Variants in IGHMBP2 observed in about 807,000 individuals in gnomAD.
The protein encoded by IGHMBP2 is DNA-binding protein SMUBP-2.
A neutral mutation model predicts 96.0 loss-of-function variants in IGHMBP2; 81 were observed. That is an observed-to-expected ratio of 0.84 (90% CI 0.71 to 1.01). IGHMBP2 has a LOEUF of 1.01. Ranked by LOEUF, IGHMBP2 falls within the 50% of genes least tolerant of loss-of-function variation. The pLI is 0.00. For missense variants in IGHMBP2, 1,227 were observed against 1,306.3 expected (o/e 0.94, Z 0.94); for synonymous variants, 557 against 548.9 (o/e 1.01, Z -0.21).
Position 68,914,807 on chromosome 11 carries a change from A to G in IGHMBP2, c.712-16A>G, listed in dbSNP as rs1225359231. 1 of 1,613,820 alleles carries G rather than the reference A, an allele frequency of 6.2e-7. No homozygotes were observed. The highest frequency in any genetic ancestry group is 1.3e-5 in the African/African-American group (1 of 74,952). The stretch of plus-strand genomic sequence containing the variant: ...ATTACAAAGTAAATGACCAGATCCT[A>G]ACTTGCGGTTCCCAGGTTCTGTGCT... On this transcript the variant is annotated splice_polypyrimidine_tract_variant and intron_variant, in intron 5 of 14. Transcript: ENST00000255078.
rs1317117261 is a variant in IGHMBP2 at position 68,936,475 on chromosome 11, G to C, written c.1995G>C (p.Lys665Asn). ...AGGGTTCCAGCCACGCTGCCACCAAGCCCCAGGGACCTGCTACGTCCACCA... is the reference window on the plus strand; with the variant it reads ...AGGGTTCCAGCCACGCTGCCACCAACCCCCAGGGACCTGCTACGTCCACCA... ...NSQGSSHAAT[K>N]PQGPATSTRT... Residue 665 changes from lysine (K) to asparagine (N), a missense_variant, in exon 13 of 15, where the codon AAG becomes AAC. Transcript: ENST00000255078. The C allele has an allele frequency of 6.2e-7, 1 of 1,613,790 alleles. No individual in the cohort carries two copies. The highest frequency in any genetic ancestry group is 1.7e-5 in the Admixed American group (1 of 59,996).
chr11:68,912,414 G>A (rs1858475237), intron 5 of IGHMBP2, among the ~76,000 whole-genome samples: 2 of 152,150 alleles, frequency 1.3e-5, no homozygotes, highest in East Asian at 3.8e-4. Context: ...ACAGGCATGA[G>A]CCACTGTGCC....
At chr11:68,911,130 A>G (rs1858412498) in intron 4 of IGHMBP2, among the ~76,000 whole-genome samples, 2 of 152,110 alleles carry the variant, frequency 1.3e-5, no homozygotes, top group African/African-American at 2.4e-5. Flanking sequence ...TCTGTGGGCC[A>G]TATCATACGT....
At chr11:68,916,592 C>T (rs1365655823) in intron 6 of IGHMBP2, among the ~76,000 whole-genome samples, 1 of 151,952 alleles carries the variant, frequency 6.6e-6, no homozygotes, top group Non-Finnish European at 1.5e-5. Flanking sequence ...CACATCTTGT[C>T]CTGTGTGCTT....
Position 68,908,192 on chromosome 11 carries a change from G to A in IGHMBP2, c.304G>A (p.Ala102Thr). ...TGCTGCTAATGAGGGCAGTCAGCTG[G>A]CCACTGGGATCTTGACCCGGGTCAC... Reference protein sequence around the residue: ...YDAANEGSQLATGILTRVTQK... With the variant: ...YDAANEGSQLTTGILTRVTQK... Residue 102 changes from alanine to threonine, a missense_variant, in exon 3 of 15, where the codon GCC becomes ACC. Physicochemically the swap from Ala to Thr is moderately conservative, Grantham distance 58. This residue lies in a region of IGHMBP2 where 507 missense variants were observed against 496.9 expected (regional missense o/e 1.02). Coordinates refer to ENST00000255078, the MANE Select transcript of IGHMBP2 (RefSeq NM_002180.3). 6.2e-7 allele frequency: 1 copy of A among 1,614,026 alleles called. No homozygotes were observed. The highest frequency in any genetic ancestry group is 8.5e-7 in the Non-Finnish European group (1 of 1,180,028).
Position 68,908,158 on chromosome 11 carries a change from C to T in IGHMBP2, c.270C>T (p.Gly90=). 4 of 1,613,810 alleles carry T rather than the reference C, an allele frequency of 2.5e-6. No homozygotes were observed. The highest frequency in any genetic ancestry group is 1.1e-5 in the South Asian group (1 of 91,076). Residue 90 remains glycine, a synonymous_variant, in exon 3 of 15, where the codon GGC becomes GGT. Coordinates refer to ENST00000255078, the MANE Select transcript of IGHMBP2 (RefSeq NM_002180.3). ...SNSFTSGDIV[G]LYDAANEGSQ... is the part of the protein sequence containing the mutation. ...TTGTTTTTGCAGGTGATATCGTGGGCCTGTACGATGCTGCTAATGAGGGCA... is the reference window on the plus strand; with the variant it reads ...TTGTTTTTGCAGGTGATATCGTGGGTCTGTACGATGCTGCTAATGAGGGCA...
At chr11:68,918,899 G>A (rs925073380) in intron 7 of IGHMBP2, among the ~76,000 whole-genome samples, 3 of 152,146 alleles carry the variant, frequency 2.0e-5, no homozygotes, top group South Asian at 2.1e-4. Context: ...GATCTTTATC[G>A]TTTTCTGTTT....
chr11:68,905,348 G>C (rs1858148020), intron 1 of IGHMBP2, among the ~76,000 whole-genome samples: 1 of 152,226 alleles, frequency 6.6e-6, no homozygotes, highest in African/African-American at 2.4e-5. Flanking sequence ...TGACTTTGCA[G>C]GTTCTGTCTC....
intron 8 of IGHMBP2, among the ~76,000 whole-genome samples, chr11:68,931,181 G>A (rs1271038030): frequency 1.3e-5 from 2 of 152,148 alleles, no homozygotes; most frequent in East Asian, 3.9e-4. Flanking sequence ...TCTGAGATCC[G>A]AGTGGGTGCT....
intron 10 of IGHMBP2, 61 bp downstream of exon 10, chr11:68,933,974 TA>T (rs1859421638): frequency 8.4e-7 from 1 of 1,185,870 alleles, no homozygotes; most frequent in Non-Finnish European, 1.2e-6. Context: ...TCTTTAAAAA[TA>T]AAAGGCACTT....
At chr11:68,904,849 A>C (rs1594413683) in intron 1 of IGHMBP2, among the ~76,000 whole-genome samples, 1 of 130,086 alleles carries the variant, frequency 7.7e-6, no homozygotes. Context: ...CCCAGGCTGG[A>C]GTGCAGTGGC....
rs764672352 is a variant in IGHMBP2, at chr11:68,914,956, C to T, written c.845C>T (p.Ala282Val). 35 of 1,614,102 alleles carry T rather than the reference C, an allele frequency of 2.2e-5. No homozygotes were observed. Among genetic ancestry groups the T allele is most frequent in the South Asian group, 1.4e-4 (13 of 91,082 alleles). Residue 282 changes from alanine (A) to valine (V), a missense_variant, in exon 6 of 15, where the codon GCG becomes GTG. Ala to Val is a moderately conservative substitution (Grantham distance 64). Transcript: ENST00000255078. ...LESIQQHSLD[A>V]VLARSDSAQI... ...TCCATTCAGCAGCACTCCCTGGATG[C>T]GGTTTTAGCGCGGAGCGACAGTGCC...
chr11:68,930,583 G>T lies in IGHMBP2; in HGVS notation c.1235+1226G>T, dbSNP rs1363799449. The T allele has an allele frequency of 8.1e-6, 9 of 1,112,214 alleles. No individual in the cohort carries two copies. The Admixed American group carries it at 3.2e-4, about 39-fold the overall frequency. 68.9% of individuals were successfully genotyped at this position (1,112,214 alleles called of 1,614,324 possible). A position where few individuals can be genotyped will look rare whatever the true frequency, so the allele number is the denominator to read the frequency against. On this transcript the variant is annotated intron_variant, in intron 8 of 14. Transcript: ENST00000255078. ...GGGAGACACATGGGGATCTAGAGTG[G>T]AAATGTTACGGGATCTCTGGGGTGT...
intron 7 of IGHMBP2, among the ~76,000 whole-genome samples, chr11:68,926,031 C>G (rs1859053771): frequency 6.6e-6 from 1 of 151,974 alleles, no homozygotes; most frequent in African/African-American, 2.4e-5. Flanking sequence ...TCTTTCTGCC[C>G]TTATTCTACT....
At chr11:68,909,739 T>C (rs1017624881) in intron 4 of IGHMBP2, among the ~76,000 whole-genome samples, 1 of 151,526 alleles carries the variant, frequency 6.6e-6, no homozygotes, top group Non-Finnish European at 1.5e-5. Flanking sequence ...GTGACTCTCC[T>C]GCCTCAGCCT....
At chr11:68,929,405 C>T (rs755562232) in intron 8 of IGHMBP2, 48 bp downstream of exon 8, 17 of 1,558,326 alleles carry the variant, frequency 1.1e-5, no homozygotes, top group East Asian at 4.5e-5. Flanking sequence ...CGCCCTCCTG[C>T]GGTCCTTCCA....
chr11:68,924,346 T>C (rs1351310394), intron 7 of IGHMBP2, among the ~76,000 whole-genome samples: 2 of 152,244 alleles, frequency 1.3e-5, no homozygotes, highest in African/African-American at 4.8e-5. Context: ...CTCTGGTTTG[T>C]TCCTGTGTGA....
Position 68,931,674 on chromosome 11 carries a change from A to C in IGHMBP2, c.1236-1625A>C, listed in dbSNP as rs567103534. Among the ~76,000 whole-genome samples the C allele has an allele frequency of 1.7e-4, 26 of 152,200 alleles. No homozygotes were observed. In the East Asian group the frequency reaches 4.9e-3, roughly 28 times the overall value. On this transcript the variant is annotated intron_variant, in intron 8 of 14. Coordinates refer to ENST00000255078, the MANE Select transcript of IGHMBP2 (RefSeq NM_002180.3). Reference sequence around the variant, plus strand: ...AGGGTTCCCTGCTGCAGCCGGCATGATGGCAGCAGCCACTGCCATCAGAAC... The same window carrying C: ...AGGGTTCCCTGCTGCAGCCGGCATGCTGGCAGCAGCCACTGCCATCAGAAC...
At chr11:68,923,665 A>G (rs892384485) in intron 7 of IGHMBP2, among the ~76,000 whole-genome samples, 4 of 152,084 alleles carry the variant, frequency 2.6e-5, no homozygotes, top group African/African-American at 2.4e-5. Context: ...TTTCTACCCA[A>G]TGCACCCTGT....
Sources: allele counts gnomAD v4.1 joint callset (sites outside exome capture counted in the v4.1 genomes callset), GRCh38; gene constraint gnomAD v4.1.1; regional missense constraint gnomAD v4.1.1; transcripts MANE v1.5; gene names NCBI Gene and HGNC (gene_info 2026-07-23, HGNC 2026-07-21).